NCF1: variants seen among roughly 807,000 people sequenced by gnomAD.
NCF1 encodes neutrophil cytosol factor 1.
Under a neutral mutation model 34.9 loss-of-function variants are expected in NCF1, and 8 were observed. The ratio of observed to expected loss-of-function variants is 0.23; its 90% CI spans 0.13 to 0.41. The LOEUF (loss-of-function observed/expected upper bound fraction) is 0.41, where lower values mean the gene tolerates loss of function less well. Among genes scored for constraint, NCF1 ranks in the 10% least tolerant of loss-of-function variants. The probability of loss-of-function intolerance (pLI) is 1.00; values close to 1 mark genes in which losing one functional copy is unlikely to be tolerated. For missense variants in NCF1, 122 were observed against 362.4 expected (o/e 0.34, Z 5.39); for synonymous variants, 57 against 146.3 (o/e 0.39, Z 4.41).
chr7:74,788,808 G>A, intron 10 of NCF1, 104 bp downstream of exon 10: 2 of 1,370,502 alleles, frequency 1.5e-6, no homozygotes, highest in South Asian at 2.5e-5. Context: ...GGACCAGAGG[G>A]CGGAATCAGA....
chr7:74,783,654 T>C, intron 7 of NCF1, 22 bp downstream of exon 7: 1 of 1,605,968 alleles, frequency 6.2e-7, no homozygotes, highest in South Asian at 1.1e-5. Flanking sequence ...CCTCCGAGGC[T>C]GTAGGGGTGT....
chr7:74,783,845 G>A lies in NCF1; in HGVS notation c.682+213G>A, dbSNP rs587618080. Among the ~76,000 whole-genome samples the A allele has an allele frequency of 8.9e-4, 136 of 152,258 alleles. 1 individual carries two copies. Among genetic ancestry groups the A allele is most frequent in the African/African-American group, 3.0e-3 (123 of 41,572 alleles). ...AGGAGGAGGAGCAGACGACTGGGGA[G>A]AGTGGGAGGCCAGTGGTGTCTGTGG... On this transcript the variant is annotated intron_variant, in intron 7 of 10. Coordinates refer to ENST00000289473, the MANE Select transcript of NCF1 (RefSeq NM_000265.7).
chr7:74,783,871 A>G (rs1796625406), intron 7 of NCF1, among the ~76,000 whole-genome samples: 2 of 151,846 alleles, frequency 1.3e-5, no homozygotes, highest in Admixed American at 6.6e-5. Flanking sequence ...GTGTCTGTGG[A>G]TATGTGGCCA....
intron 2 of NCF1, chr7:74,777,618 G>A (rs1554413203): frequency 2.6e-6 from 1 of 387,992 alleles, no homozygotes; most frequent in Non-Finnish European, 5.0e-6. Context: ...CAGTGCAGGG[G>A]CGCAATCATA....
intron 2 of NCF1, chr7:74,777,662 G>C: frequency 2.9e-6 from 1 of 346,864 alleles, no homozygotes; most frequent in Non-Finnish European, 5.7e-6. Context: ...GGGCTCAAGC[G>C]ATCCTCCTGC....
chr7:74,787,400 A>G (rs587695598), intron 8 of NCF1, among the ~76,000 whole-genome samples: 1 of 152,250 alleles, frequency 6.6e-6, no homozygotes, highest in Admixed American at 6.5e-5. Flanking sequence ...ACATCATGCC[A>G]TTGCACTCCA....
chr7:74,782,610 T>A (rs1462733096), intron 5 of NCF1, among the ~76,000 whole-genome samples: 1 of 151,188 alleles, frequency 6.6e-6, no homozygotes, highest in Non-Finnish European at 1.5e-5. Context: ...GTGGCATACG[T>A]CTATGGTCCC....
At chr7:74,778,619 G>C (rs1366590700) in intron 2 of NCF1, among the ~76,000 whole-genome samples, 2 of 147,424 alleles carry the variant, frequency 1.4e-5, no homozygotes, top group Non-Finnish European at 3.0e-5. Context: ...CTTGCACATG[G>C]GAGGGAGAGA....
In NCF1 at chr7:74,777,338, C is replaced by T. The variant is rs782597081; in HGVS notation, c.144C>T (p.Tyr48=). The T allele has an allele frequency of 1.8e-5, 29 of 1,587,702 alleles. 1 individual carries two copies. Among genetic ancestry groups the T allele is most frequent in the Non-Finnish European group, 2.3e-5 (27 of 1,162,962 alleles). The change falls in exon 2 of 11, where the codon TAC becomes TAT. Residue 48 remains tyrosine, a synonymous_variant. Coordinates refer to ENST00000289473, the MANE Select transcript of NCF1 (RefSeq NM_000265.7). ...TCTACCGGCGCTTCACCGAGATCTA[C>T]GAGTTCCATGTGAGTGTGGGGATGG... ...KVVYRRFTEI[Y]EFHKTLKEMF...
Position 74,783,265 on chromosome 7 carries a change from G to A in NCF1, c.574+204G>A, listed in dbSNP as rs782746861. 5.6e-4 allele frequency: 530 copies of A among 950,322 alleles called. 4 individuals are homozygous for A. The Admixed American group carries it at 5.9e-3, about 11-fold the overall frequency. 58.9% of individuals were successfully genotyped at this position (950,322 alleles called of 1,614,324 possible). ...TGTGGGCATCTGTGCATGGCAGGCC[G>A]GGGCGGGGCATGTCTGCGTGTTCTG... On this transcript the variant is annotated intron_variant, in intron 6 of 10. Coordinates refer to ENST00000289473, the MANE Select transcript of NCF1 (RefSeq NM_000265.7).
rs202195500 is a variant in NCF1 at position 74,782,981 on chromosome 7, C to A, written c.494C>A (p.Ala165Asp). The change falls in exon 6 of 11, where the codon GCC becomes GAC. Residue 165 changes from alanine (A) to aspartate (D), a missense_variant. By Grantham distance (126) the Ala-to-Asp change is moderately radical (BLOSUM62 -2). This residue lies in a region of NCF1 where 57 missense variants were observed against 89.3 expected (regional missense o/e 0.64). Transcript: ENST00000289473. Reference sequence around the variant, plus strand: ...ATCCTGCAGACGTACCGCGCCATTGCCAACTACGAGAAGACCTCGGGCTCC... The same window carrying A: ...ATCCTGCAGACGTACCGCGCCATTGACAACTACGAGAAGACCTCGGGCTCC... Reference protein sequence around the residue: ...PIILQTYRAIANYEKTSGSEM... With the variant: ...PIILQTYRAIDNYEKTSGSEM... 4 of 1,611,208 alleles carry A rather than the reference C, an allele frequency of 2.5e-6. No homozygotes were observed. The Admixed American group carries it at 6.7e-5, about 27-fold the overall frequency.
Position 74,777,274 on chromosome 7 carries a change from T to C in NCF1, c.80T>C (p.Met27Thr), listed in dbSNP as rs782052125. ...ACTCTGGCTTTCCCCCAGGTGTACA[T>C]GTTCCTGGTGAAATGGCAGGACCTG... ...RFVPSQHYVY[M>T]FLVKWQDLSE... is the part of the protein sequence containing the mutation. The change falls in exon 2 of 11, where the codon ATG becomes ACG. Residue 27 changes from methionine (M) to threonine (T), a missense_variant. Physicochemically the swap from Met to Thr is moderately conservative, Grantham distance 81 (BLOSUM62 -1). Around this residue, in one of 9 missense-constraint regions of NCF1, gnomAD observed 12 missense variants for 30.0 expected, o/e 0.40. Coordinates refer to ENST00000289473, the MANE Select transcript of NCF1 (RefSeq NM_000265.7). 18 of 1,612,450 alleles carry C rather than the reference T, an allele frequency of 1.1e-5. No individual in the cohort carries two copies. The highest frequency in any genetic ancestry group is 2.2e-5 in the South Asian group (2 of 91,034).
At chr7:74,777,392 T>C (rs782724139) in intron 2 of NCF1, 45 bp downstream of exon 2, 154 of 1,435,006 alleles carry the variant, frequency 1.1e-4, no homozygotes, top group Non-Finnish European at 1.3e-4. Context: ...CCGTTCCAGC[T>C]CCACCCTTTG....
intron 6 of NCF1, 60 bp downstream of exon 6, chr7:74,783,121 G>T: frequency 6.3e-7 from 1 of 1,578,280 alleles, no homozygotes; most frequent in Non-Finnish European, 8.6e-7. Flanking sequence ...ACAGCCACAA[G>T]CCCCCTGCCA....
chr7:74,783,724 G>A, intron 7 of NCF1, 92 bp downstream of exon 7: 1 of 1,506,820 alleles, frequency 6.6e-7, no homozygotes, highest in Non-Finnish European at 9.0e-7. Flanking sequence ...GTCTGGGCTG[G>A]TTGCTGGCTT....
intron 5 of NCF1, among the ~76,000 whole-genome samples, chr7:74,781,789 T>G (rs376071195): frequency 3.7e-5 from 5 of 134,412 alleles, no homozygotes; most frequent in African/African-American, 8.2e-5. Context: ...TGCCTCAGCC[T>G]CCCAAAGTGC....
At chr7:74,778,786 C>T (rs1300072707) in intron 2 of NCF1, among the ~76,000 whole-genome samples, 5 of 130,770 alleles carry the variant, frequency 3.8e-5, no homozygotes, top group Non-Finnish European at 6.6e-5. Flanking sequence ...GCGATTCTCC[C>T]ACCTCAGCCT....
In NCF1 at chr7:74,788,543, C is replaced by T. The variant is rs1405614642; in HGVS notation, c.906-16C>T. On this transcript the variant is annotated splice_polypyrimidine_tract_variant and intron_variant, in intron 9 of 10. Coordinates refer to ENST00000289473, the MANE Select transcript of NCF1 (RefSeq NM_000265.7). The stretch of plus-strand genomic sequence containing the variant: ...GCGCCCTCGGGCTTTGACGACGCCC[C>T]GTCCCGCTGGGCCAGGTCGTCCATC... 18 of 1,539,560 alleles carry T rather than the reference C, an allele frequency of 1.2e-5. 1 individual carries two copies. Among genetic ancestry groups the T allele is most frequent in the East Asian group, 4.9e-5 (2 of 40,636 alleles).
intron 8 of NCF1, among the ~76,000 whole-genome samples, chr7:74,785,808 G>C (rs1277463604): frequency 2.7e-5 from 4 of 149,222 alleles, no homozygotes; most frequent in African/African-American, 9.9e-5. Flanking sequence ...ACTTCAACCC[G>C]GGAGGCGGAG....
Sources: gnomAD v4.1 joint callset for allele counts (sites outside exome capture counted in the v4.1 genomes callset) on GRCh38, gnomAD v4.1.1 for gene constraint, gnomAD v4.1.1 regional missense constraint, MANE v1.5 for transcripts, NCBI Gene and HGNC (gene_info 2026-07-23, HGNC 2026-07-21) for gene names.